ACSBG2: variants seen among roughly 807,000 people sequenced by gnomAD.
ACSBG2 encodes long-chain-fatty-acid--CoA ligase ACSBG2.
ACSBG2 carries 62 observed loss-of-function variants against 74.7 expected under a neutral mutation model. That is an observed-to-expected ratio of 0.83 (90% CI 0.68 to 1.03). The LOEUF (loss-of-function observed/expected upper bound fraction) is 1.03. ACSBG2 is among the 50% of genes least tolerant of loss of function. ACSBG2 has a pLI of 0.00. For synonymous variants in ACSBG2, 309 were observed against 294.1 expected, an observed-to-expected ratio of 1.05 and a Z score of -0.52; for missense variants, 730 against 817.6, an observed-to-expected ratio of 0.89 and a Z score of 1.31.
In ACSBG2 at chr19:6,183,731, G is replaced by T. The variant is rs78421028; in HGVS notation, c.1322+459G>T. ...CTGTCAGTCATAGAATCTTCTGGTTGTGTCTCTCCCTGACTCCCTCCTTTT... is the reference window on the plus strand; with the variant it reads ...CTGTCAGTCATAGAATCTTCTGGTTTTGTCTCTCCCTGACTCCCTCCTTTT... On this transcript the variant is annotated intron_variant, in intron 10 of 14. Coordinates refer to ENST00000588485, the MANE Select transcript of ACSBG2 (RefSeq NM_030924.5). 5.2e-3 allele frequency among the ~76,000 whole-genome samples: 791 copies of T among 152,304 alleles called. 7 individuals are homozygous for T. Among genetic ancestry groups the T allele is most frequent in the East Asian group, 0.011 (59 of 5,194 alleles).
chr19:6,158,061 T>C lies in ACSBG2; in HGVS notation c.507+1510T>C, dbSNP rs753689986. Among the ~76,000 whole-genome samples, 55 of 12,630 alleles carry C rather than the reference T, an allele frequency of 4.4e-3. 1 individual carries two copies. Among genetic ancestry groups the C allele is most frequent in the South Asian group, 0.023 (12 of 514 alleles). 8.3% of individuals were successfully genotyped at this position (12,630 alleles called of 152,430 possible). The stretch of plus-strand genomic sequence containing the variant: ...TTGGTTACAATTTTCTTTTTTTTTC[T>C]TTTTTTTTTTTTGAGACAGAGTCTC... On this transcript the variant is annotated intron_variant, in intron 5 of 14. Transcript: ENST00000588485.
chr19:6,179,329 G>A lies in ACSBG2; in HGVS notation c.906+1933G>A, dbSNP rs978508733. ...TTTTTTTTTTTTTAGAGACAAGGTC[G>A]TGCTCTGTTACCCAGCCTGGAATGC... On this transcript the variant is annotated intron_variant, in intron 8 of 14. Coordinates refer to ENST00000588485, the MANE Select transcript of ACSBG2 (RefSeq NM_030924.5). Among the ~76,000 whole-genome samples the A allele has an allele frequency of 1.3e-4, 16 of 126,790 alleles. 1 individual carries two copies. The highest frequency in any genetic ancestry group is 7.6e-4 in the Admixed American group (8 of 10,554). The allele number at this position is 126,790 out of a possible 152,430, so 83.2% of individuals were successfully genotyped here.
chr19:6,182,653 G>A, intron 8 of ACSBG2, 98 bp from the exon 9 acceptor site: 1 of 1,186,998 alleles, frequency 8.4e-7, no homozygotes, highest in South Asian at 1.5e-5. Context: ...ATCAGTGAAG[G>A]AATGTTCTCT....
chr19:6,187,390 CTG>C lies in ACSBG2; in HGVS notation c.1649_1650del (p.Leu550GlnfsTer12). 1.9e-6 allele frequency: 3 copies of C among 1,614,120 alleles called. No individual in the cohort carries two copies. Among genetic ancestry groups the C allele is most frequent in the East Asian group, 4.5e-5 (2 of 44,878 alleles). On this transcript the variant is annotated frameshift_variant, in exon 12 of 15. Coordinates refer to ENST00000588485, the MANE Select transcript of ACSBG2 (RefSeq NM_030924.5). LOFTEE classifies it high-confidence loss of function. ...ISNAMLVGDK[L>X]KFLSMLLTLK... is the part of the protein sequence containing the mutation. Reference sequence around the variant, plus strand: ...TAACGCCATGTTAGTAGGAGATAAACTGAAGTTTCTGAGCATGTTGCTGACGC... The same window carrying C: ...TAACGCCATGTTAGTAGGAGATAAACAAGTTTCTGAGCATGTTGCTGACGC...
At chr19:6,165,742 C>A in intron 6 of ACSBG2, 124 bp from the exon 7 acceptor site, 1 of 1,172,900 alleles carries the variant, frequency 8.5e-7, no homozygotes, top group Non-Finnish European at 1.2e-6. Context: ...CCAGGACTGG[C>A]ACATCCTAAG....
intron 7 of ACSBG2, chr19:6,176,365 G>A: frequency 6.6e-7 from 1 of 1,507,678 alleles, no homozygotes; most frequent in Non-Finnish European, 8.8e-7. Context: ...ATATGGCTGA[G>A]TGGGAGGTAG....
chr19:6,187,060 G>A (rs1386509642), intron 11 of ACSBG2, among the ~76,000 whole-genome samples: 2 of 149,486 alleles, frequency 1.3e-5, no homozygotes, highest in Non-Finnish European at 3.0e-5. Context: ...GTTGGAGTGC[G>A]GTGGCATGAT....
At chr19:6,179,526 C>G (rs2090186584) in intron 8 of ACSBG2, among the ~76,000 whole-genome samples, 2 of 152,140 alleles carry the variant, frequency 1.3e-5, no homozygotes, top group Non-Finnish European at 2.9e-5. Flanking sequence ...GAAAAGAACT[C>G]TGACATTTTC....
chr19:6,136,530 T>C (rs1237398995), intron 1 of ACSBG2, among the ~76,000 whole-genome samples: 2 of 151,970 alleles, frequency 1.3e-5, no homozygotes, highest in Non-Finnish European at 2.9e-5. Flanking sequence ...GCCCAGCTAA[T>C]TTTTGTATTT....
intron 2 of ACSBG2, 58 bp downstream of exon 2, chr19:6,141,668 T>C (rs2088840762): frequency 8.7e-7 from 1 of 1,153,780 alleles, no homozygotes; most frequent in Non-Finnish European, 1.3e-6. Flanking sequence ...CCACAAAGGC[T>C]CTTTGCAGAG....
intron 5 of ACSBG2, 99 bp from the exon 6 acceptor site, chr19:6,161,116 G>A: frequency 1.2e-6 from 1 of 812,144 alleles, no homozygotes; most frequent in South Asian, 1.7e-5. Flanking sequence ...AAAAAAAGAG[G>A]CTAGAGTTGC....
Position 6,168,149 on chromosome 19 carries a change from TCTC to T in ACSBG2, c.738+2138_738+2140del, listed in dbSNP as rs948916046. Among the ~76,000 whole-genome samples, 53 of 151,802 alleles carry T rather than the reference TCTC, an allele frequency of 3.5e-4. 1 individual carries two copies. The highest frequency in any genetic ancestry group is 1.2e-3 in the African/African-American group (51 of 41,370). On this transcript the variant is annotated intron_variant, in intron 7 of 14. Transcript: ENST00000588485. ...ACTGCAAGCCTAGCCCCATCTCCCTTCTCCTCTCCTCTCCTCCCTCTCTCCCCC... is the reference window on the plus strand; with the variant it reads ...ACTGCAAGCCTAGCCCCATCTCCCTTCTCTCCTCTCCTCCCTCTCTCCCCC...
chr19:6,157,587 A>T (rs1055785470), intron 5 of ACSBG2, among the ~76,000 whole-genome samples: 6 of 147,072 alleles, frequency 4.1e-5, no homozygotes, highest in Admixed American at 1.4e-4. Context: ...AACAAAAACC[A>T]TTTTTTTTTT....
At chr19:6,151,359 G>A (rs1421980725) in intron 3 of ACSBG2, among the ~76,000 whole-genome samples, 1 of 152,102 alleles carries the variant, frequency 6.6e-6, no homozygotes, top group African/African-American at 2.4e-5. Context: ...CCAGGATGGA[G>A]TGCAGTGGTG....
intron 4 of ACSBG2, among the ~76,000 whole-genome samples, chr19:6,155,257 T>C (rs1600052349): frequency 1.3e-5 from 2 of 152,118 alleles, no homozygotes; most frequent in East Asian, 3.9e-4. Flanking sequence ...GAAAAATAAA[T>C]CAGCCCTGAT....
intron 6 of ACSBG2, among the ~76,000 whole-genome samples, chr19:6,162,362 C>G (rs978493711): frequency 4.7e-5 from 7 of 150,132 alleles, no homozygotes; most frequent in South Asian, 2.1e-4. Context: ...GTCAGAAGAT[C>G]GAGACCATCC....
Position 6,141,611 on chromosome 19 carries a change from G to A in ACSBG2, c.67+1G>A. 4 of 1,582,882 alleles carry A rather than the reference G, an allele frequency of 2.5e-6. No homozygotes were observed. The highest frequency in any genetic ancestry group is 3.5e-6 in the Non-Finnish European group (4 of 1,151,604). On this transcript the variant is annotated splice_donor_variant, in intron 2 of 14. Transcript: ENST00000588485. LOFTEE classifies it high-confidence loss of function. ...GAAGTAGACATGAATAAAACAGAAG[G>A]TATATTGCACTAAAGAGTACGTGGG...
intron 10 of ACSBG2, among the ~76,000 whole-genome samples, chr19:6,184,984 G>C (rs908443249): frequency 1.1e-4 from 16 of 151,682 alleles, no homozygotes; most frequent in Non-Finnish European, 2.2e-4. Context: ...GTACAGTGGC[G>C]TGATCACTAC....
chr19:6,140,405 C>A (rs764899767), intron 1 of ACSBG2, among the ~76,000 whole-genome samples: 3 of 151,920 alleles, frequency 2.0e-5, no homozygotes, highest in Non-Finnish European at 2.9e-5. Context: ...CTCGGCCAGG[C>A]GCAATGGCTT....
Sources: gnomAD v4.1 joint callset for allele counts (sites outside exome capture counted in the v4.1 genomes callset) on GRCh38, gnomAD v4.1.1 for gene constraint, MANE v1.5 for transcripts, NCBI Gene and HGNC (gene_info 2026-07-23, HGNC 2026-07-21) for gene names.